The following HAUS7 variants were observed in gnomAD, a reference collection of about 807,000 sequenced individuals.
HAUS7 encodes HAUS augmin-like complex subunit 7.
A neutral mutation model predicts 28.4 loss-of-function variants in HAUS7; 3 were observed. The ratio of observed to expected loss-of-function variants is 0.11; its 90% CI spans 0.05 to 0.27. The LOEUF is 0.27. Ranked by LOEUF, HAUS7 falls within the 10% of genes least tolerant of loss-of-function variation. The pLI is 1.00. For missense variants in HAUS7, 284 were observed against 297.3 expected (o/e 0.96, Z 0.33); for synonymous variants, 165 against 132.1 (o/e 1.25, Z -1.71).
chrX:153,454,997 C>T (rs782132272), intron 8 of HAUS7: 9 of 1,022,169 alleles, frequency 8.8e-6, no homozygotes, highest in South Asian at 7.3e-5. Context: ...GAGTTGCGCA[C>T]GTGGGAACTG....
intron 1 of HAUS7, among the ~76,000 whole-genome samples, chrX:153,478,973 G>A (rs781905840): frequency 3.6e-5 from 4 of 112,231 alleles, no homozygotes; most frequent in Non-Finnish European, 7.5e-5. Context: ...GAATCAATGC[G>A]GGCCTCACAG....
intron 1 of HAUS7, among the ~76,000 whole-genome samples, chrX:153,494,368 C>T (rs993316372): frequency 1.8e-5 from 2 of 112,463 alleles, no homozygotes; most frequent in Non-Finnish European, 1.9e-5. Flanking sequence ...CACCACCAGC[C>T]GGATCGGGCC....
intron 1 of HAUS7, chrX:153,479,214 C>T (rs1388059289): frequency 1.7e-5 from 6 of 360,245 alleles, no homozygotes; most frequent in African/African-American, 2.8e-5. Context: ...ATCGTCCTGC[C>T]GTGGCCACCA....
At position 153,470,519 on chromosome X, in the gene HAUS7, G is replaced by T; in HGVS notation, c.39C>A (p.Asp13Glu). ...TGTCGCCCTCGTCCTCTGAGTAGTC[G>T]TCGCCGCCACGGCCGCAGCCAGCGT... is the stretch of plus-strand genomic sequence containing the variant. ...GQDAGCGRGGDDYSEDEGDSS... is the reference protein window; with the variant it reads ...GQDAGCGRGGEDYSEDEGDSS... Residue 13 changes from aspartate (D) to glutamate (E), a missense_variant, in exon 1 of 10, where the codon GAC becomes GAA. Physicochemically the swap from Asp to Glu is conservative, Grantham distance 45. Transcript: ENST00000370211. 8.3e-7 allele frequency: 1 copy of T among 1,200,931 alleles called. No homozygotes were observed.
At chrX:153,450,472 T>C (rs1284747746) in intron 9 of HAUS7, among the ~76,000 whole-genome samples, 1 of 112,249 alleles carries the variant, frequency 8.9e-6, no homozygotes, top group African/African-American at 3.2e-5. Context: ...CCTTGGGCTG[T>C]CCTCTAGGCT....
At chrX:153,474,932 T>A (rs1556985993), upstream of HAUS7, among the ~76,000 whole-genome samples, 1 of 110,566 alleles carries the variant, frequency 9.0e-6, no homozygotes, top group Non-Finnish European at 1.9e-5. Context: ...CCGGCGGGGC[T>A]GAGTCACATG....
intron 9 of HAUS7, among the ~76,000 whole-genome samples, chrX:153,452,516 AG>A (rs2089251992): frequency 8.9e-6 from 1 of 112,561 alleles, no homozygotes; most frequent in African/African-American, 3.2e-5. Flanking sequence ...AACTTTTAAA[AG>A]AAGTGTTAAA....
chrX:153,456,791 G>A (rs1338459356), intron 5 of HAUS7, 140 bp from the exon 6 acceptor site: 1 of 504,662 alleles, frequency 2.0e-6, no homozygotes, highest in Non-Finnish European at 3.3e-6. Flanking sequence ...GCAGAATCCT[G>A]CCCCACCTGT....
intron 1 of HAUS7, chrX:153,485,732 C>G: frequency 1.2e-6 from 1 of 800,321 alleles, no homozygotes; most frequent in Non-Finnish European, 1.5e-6. Flanking sequence ...AGTTGCCAAC[C>G]GTCAGCTCCC....
chrX:153,490,114 C>A (rs1556989334), intron 1 of HAUS7, among the ~76,000 whole-genome samples: 1 of 112,816 alleles, frequency 8.9e-6, no homozygotes, highest in East Asian at 2.8e-4. Context: ...TGGGCTCTGG[C>A]CTCTGGCCTC....
chrX:153,449,909 C>T (rs1390556937), intron 9 of HAUS7, among the ~76,000 whole-genome samples: 3 of 112,597 alleles, frequency 2.7e-5, no homozygotes, highest in Non-Finnish European at 5.6e-5. Flanking sequence ...CGTTTCTAGT[C>T]TCTTTGTGGC....
chrX:153,486,722 G>A lies in HAUS7; in HGVS notation c.-589+8652C>T, dbSNP rs1321959766. Reference sequence around the variant, plus strand: ...CTGGAGAACAACCTCATTGACCGGCGCCGCATCCCGCCCACTGCCTTCTCC... The same window carrying A: ...CTGGAGAACAACCTCATTGACCGGCACCGCATCCCGCCCACTGCCTTCTCC... On this transcript the variant is annotated intron_variant, in intron 1 of 5. Coordinates refer to the HAUS7 transcript ENST00000370210. The A allele has an allele frequency of 2.9e-5, 28 of 980,809 alleles. 1 individual carries two copies. Among genetic ancestry groups the A allele is most frequent in the Admixed American group, 6.1e-5 (2 of 32,837 alleles). The allele number at this position is 980,809 out of a possible 1,213,427, so 80.8% of individuals were successfully genotyped here.
rs369262049 is a variant in HAUS7 at position 153,456,409 on chromosome X, G to A, written c.606-45C>T. The A allele has an allele frequency of 6.0e-6, 7 of 1,172,989 alleles. No individual in the cohort carries two copies. The African/African-American group carries it at 1.1e-4, about 18-fold the overall frequency. The stretch of plus-strand genomic sequence containing the variant: ...ACACTTGCAACTCACCGCTGCCAGG[G>A]GTGTCTGCAGTAACAGAACCAAGCA... On this transcript the variant is annotated intron_variant, in intron 6 of 9. Coordinates refer to ENST00000370211, the MANE Select transcript of HAUS7 (RefSeq NM_001385482.1).
chrX:153,466,865 A>G (rs189362606), intron 2 of HAUS7, among the ~76,000 whole-genome samples: 1 of 112,506 alleles, frequency 8.9e-6, no homozygotes, highest in East Asian at 2.8e-4. Context: ...AGCATTTGAG[A>G]TTTCGGATTT....
intron 1 of HAUS7, among the ~76,000 whole-genome samples, chrX:153,493,565 T>C (rs782659743): frequency 8.9e-6 from 1 of 112,243 alleles, no homozygotes. Flanking sequence ...ATTCCAACCA[T>C]GAAATCAAGA....
At chrX:153,470,399 G>A in intron 1 of HAUS7, 51 bp downstream of exon 1, 3 of 1,170,919 alleles carry the variant, frequency 2.6e-6, no homozygotes, top group Non-Finnish European at 3.5e-6. Context: ...GGCCTCGGGC[G>A]GGGCCCTCCC....
intron 1 of HAUS7, among the ~76,000 whole-genome samples, chrX:153,489,653 C>T (rs1556989231): frequency 1.8e-5 from 2 of 112,262 alleles, no homozygotes; most frequent in African/African-American, 6.5e-5. Context: ...AGAATGGGGG[C>T]AAGGAGCCGT....
chrX:153,455,061 G>A, intron 8 of HAUS7: 2 of 1,004,560 alleles, frequency 2.0e-6, no homozygotes, highest in Non-Finnish European at 2.6e-6. Flanking sequence ...GATCTCACAT[G>A]TGGAACAACG....
intron 5 of HAUS7, 31 bp downstream of exon 5, chrX:153,457,106 T>C (rs1556982432): frequency 4.2e-6 from 4 of 953,992 alleles, no homozygotes; most frequent in Non-Finnish European, 6.1e-6. Context: ...AGCCCGTCAA[T>C]ACTGCCCACC....
Sources: gnomAD v4.1 joint callset for allele counts (sites outside exome capture counted in the v4.1 genomes callset) on GRCh38, gnomAD v4.1.1 for gene constraint, MANE v1.5 for transcripts, NCBI Gene and HGNC (gene_info 2026-07-23, HGNC 2026-07-21) for gene names.